Variants in PLPP3 observed in about 807,000 individuals in gnomAD.
PLPP3 encodes phospholipid phosphatase 3.
PLPP3 carries 6 observed loss-of-function variants against 29.6 expected under a neutral mutation model. The observed-to-expected ratio is 0.20, with a 90% CI of 0.11 to 0.40. The LOEUF (loss-of-function observed/expected upper bound fraction) is 0.40. PLPP3 is among the 10% of genes least tolerant of loss of function. The pLI is 1.00. For missense variants in PLPP3, 308 were observed against 407.7 expected, an observed-to-expected ratio of 0.76 and a Z score of 2.11; for synonymous variants, 152 against 159.7, an observed-to-expected ratio of 0.95 and a Z score of 0.36.
chr1:56,525,270 T>C (rs1256634042), intron 2 of PLPP3, among the ~76,000 whole-genome samples: 1 of 152,202 alleles, frequency 6.6e-6, no homozygotes, highest in East Asian at 1.9e-4. Context: ...GTGTGATGAA[T>C]AGAATACCAG....
chr1:56,527,627 G>A (rs1201639962), intron 2 of PLPP3, among the ~76,000 whole-genome samples: 2 of 152,108 alleles, frequency 1.3e-5, no homozygotes, highest in Admixed American at 1.3e-4. Flanking sequence ...TGGCTTCTGG[G>A]GCAGCCTTGA....
At chr1:56,525,933 C>T (rs1277724491) in intron 2 of PLPP3, among the ~76,000 whole-genome samples, 2 of 152,096 alleles carry the variant, frequency 1.3e-5, no homozygotes, top group African/African-American at 2.4e-5. Context: ...AGGACGACCA[C>T]GTAGGAAGGA....
At chr1:56,550,075 G>A (rs561704362) in intron 1 of PLPP3, among the ~76,000 whole-genome samples, 1 of 152,262 alleles carries the variant, frequency 6.6e-6, no homozygotes, top group African/African-American at 2.4e-5. Context: ...CCATGGAACT[G>A]TGAAGCCACC....
intron 2 of PLPP3, among the ~76,000 whole-genome samples, chr1:56,530,111 T>C (rs1287010710): frequency 7.7e-6 from 1 of 129,348 alleles, no homozygotes; most frequent in Non-Finnish European, 1.6e-5. Context: ...CCTCTTACTC[T>C]TTTTTTTTTT....
At chr1:56,518,084 G>A (rs930687478) in intron 4 of PLPP3, among the ~76,000 whole-genome samples, 8 of 152,290 alleles carry the variant, frequency 5.3e-5, no homozygotes, top group African/African-American at 1.9e-4. Context: ...CTCACACAGG[G>A]TCTGTCACAG....
At chr1:56,566,762 T>C (rs887200155) in intron 1 of PLPP3, among the ~76,000 whole-genome samples, 7 of 152,242 alleles carry the variant, frequency 4.6e-5, no homozygotes, top group East Asian at 1.9e-4. Context: ...AATTTTCACA[T>C]ACTTACAACT....
intron 5 of PLPP3, among the ~76,000 whole-genome samples, chr1:56,505,378 C>T (rs971251384): frequency 5.9e-5 from 9 of 152,206 alleles, no homozygotes; most frequent in African/African-American, 2.2e-4. Flanking sequence ...CTCTCTGAAC[C>T]TCTGCTTCGT....
At chr1:56,557,066 GAAAGAAAGAA>G (rs1646088069) in intron 1 of PLPP3, among the ~76,000 whole-genome samples, 2 of 125,844 alleles carry the variant, frequency 1.6e-5, no homozygotes, top group South Asian at 2.6e-4. Flanking sequence ...GAGAAAGAAA[GAAAGAAAGAA>G]AAAATGAGAG....
chr1:56,576,147 C>A (rs963448058), intron 1 of PLPP3, among the ~76,000 whole-genome samples: 1 of 152,084 alleles, frequency 6.6e-6, no homozygotes, highest in Non-Finnish European at 1.5e-5. Flanking sequence ...ACAAGTTAAA[C>A]TACTTGCATA....
chr1:56,510,079 A>T (rs1221680161), intron 5 of PLPP3, among the ~76,000 whole-genome samples: 1 of 152,162 alleles, frequency 6.6e-6, no homozygotes, highest in Non-Finnish European at 1.5e-5. Flanking sequence ...GCTAGTAAGG[A>T]TCCCCCAACC....
At chr1:56,559,211 C>A (rs917788480) in intron 1 of PLPP3, among the ~76,000 whole-genome samples, 1 of 152,090 alleles carries the variant, frequency 6.6e-6, no homozygotes, top group Non-Finnish European at 1.5e-5. Context: ...GAGGAAAGAG[C>A]ATAAACAAAG....
In PLPP3 at chr1:56,535,097, A is replaced by T. The variant is rs1001363641; in HGVS notation, c.297+1858T>A. On this transcript the variant is annotated intron_variant, in intron 2 of 5. Coordinates refer to ENST00000371250, the MANE Select transcript of PLPP3 (RefSeq NM_003713.5). The stretch of plus-strand genomic sequence containing the variant: ...ACTGGGCATACCATATGTGCCAAGC[A>T]CTGAGTTACTTTATATACATTAGCT... Among the ~76,000 whole-genome samples the T allele has an allele frequency of 3.9e-5, 6 of 152,206 alleles. No homozygotes were observed. The East Asian group carries it at 1.2e-3, about 29-fold the overall frequency.
chr1:56,530,346 G>GTC (rs1251195807), intron 2 of PLPP3, among the ~76,000 whole-genome samples: 1 of 81,860 alleles, frequency 1.2e-5, no homozygotes, highest in African/African-American at 5.6e-5. Context: ...GCATCTCTCT[G>GTC]TCTCTCTCTA....
chr1:56,561,383 T>C (rs967598096), intron 1 of PLPP3, among the ~76,000 whole-genome samples: 1 of 152,168 alleles, frequency 6.6e-6, no homozygotes, highest in Non-Finnish European at 1.5e-5. Flanking sequence ...GTTAATACTT[T>C]ATTATTGACC....
chr1:56,548,503 T>A (rs548265807), intron 1 of PLPP3, among the ~76,000 whole-genome samples: 1 of 152,294 alleles, frequency 6.6e-6, no homozygotes, highest in South Asian at 2.1e-4. Flanking sequence ...CGCAAACTTC[T>A]TTTCCCAGAG....
At chr1:56,560,649 C>G (rs1268740428) in intron 1 of PLPP3, among the ~76,000 whole-genome samples, 1 of 152,148 alleles carries the variant, frequency 6.6e-6, no homozygotes. Flanking sequence ...ACCTAATTAC[C>G]TCTTAAAGCC....
Position 56,545,426 on chromosome 1 carries a change from A to C in PLPP3, c.140-8314T>G, listed in dbSNP as rs141532459. On this transcript the variant is annotated intron_variant, in intron 1 of 5. Transcript: ENST00000371250. Reference sequence around the variant, plus strand: ...TAAGATGTGACCAGATTTCTGTCCAAAGCTCATGCAAGTAGCCATGGGCCC... The same window carrying C: ...TAAGATGTGACCAGATTTCTGTCCACAGCTCATGCAAGTAGCCATGGGCCC... Among the ~76,000 whole-genome samples, 1,323 of 152,268 alleles carry C rather than the reference A, an allele frequency of 8.7e-3. 13 individuals carry two copies. The highest frequency in any genetic ancestry group is 0.03 in the African/African-American group (1,263 of 41,558).
rs1646106976 is a variant in PLPP3 at position 56,559,532 on chromosome 1, G to A, written c.139+19346C>T. ...CTCCCAAAATGCTGGGATTACAGGT[G>A]TGAGCCACCACCCCCAGCCTTGAAT... On this transcript the variant is annotated intron_variant, in intron 1 of 5. Transcript: ENST00000371250. 2.0e-5 allele frequency among the ~76,000 whole-genome samples: 3 copies of A among 150,632 alleles called. No homozygotes were observed. The South Asian group carries it at 6.3e-4, about 32-fold the overall frequency.
intron 5 of PLPP3, among the ~76,000 whole-genome samples, chr1:56,502,205 A>G (rs141088296): frequency 1.9e-3 from 285 of 152,340 alleles, no homozygotes; most frequent in African/African-American, 6.7e-3. Flanking sequence ...AGATTATGAC[A>G]ATAAAATTAT....
Sources: gnomAD v4.1 joint callset for allele counts (sites outside exome capture counted in the v4.1 genomes callset) on GRCh38, gnomAD v4.1.1 for gene constraint, MANE v1.5 for transcripts, NCBI Gene and HGNC (gene_info 2026-07-23, HGNC 2026-07-21) for gene names.